The following RSPH14 variants were observed in gnomAD, a reference collection of about 807,000 sequenced individuals.
RSPH14 encodes the protein rhabdoid tumor deletion region gene 1.
A neutral mutation model predicts 26.7 loss-of-function variants in RSPH14; 20 were observed. The ratio of observed to expected loss-of-function variants is 0.75; its 90% CI spans 0.53 to 1.09. The LOEUF is 1.09. Ranked by LOEUF, RSPH14 falls within the 50% of genes least tolerant of loss-of-function variation. The pLI, the probability that RSPH14 is intolerant of heterozygous loss-of-function variation, is 0.00. For missense variants in RSPH14, 449 were observed against 457.2 expected (o/e 0.98, Z 0.16); for synonymous variants, 177 against 189.3 (o/e 0.93, Z 0.53).
the RSPH14 span, chr22:23,180,475 G>A: frequency 6.5e-5 from 11 of 168,238 alleles, no homozygotes; most frequent in African/African-American, 2.4e-4. Flanking sequence ...TCCGCGCCGC[G>A]GCCACCTCCC....
intron 4 of RSPH14, among the ~76,000 whole-genome samples, chr22:23,065,650 C>G (rs2068194455): frequency 1.4e-5 from 2 of 147,346 alleles, no homozygotes; most frequent in South Asian, 2.3e-4. Context: ...TTCCTTATCA[C>G]TGAAACGGGC....
At chr22:23,175,000 A>AT in the RSPH14 span, among the ~76,000 whole-genome samples, 1,704 of 144,830 alleles carry the variant, frequency 0.012, 23 homozygotes, top group African/African-American at 0.039. Flanking sequence ...TAAAAAAAAA[A>AT]TTTTTTTTTT....
upstream of RSPH14, chr22:23,145,366 A>G (rs774123828): frequency 9.3e-6 from 15 of 1,605,634 alleles, no homozygotes; most frequent in East Asian, 2.2e-5. Context: ...TCTCGTTGCT[A>G]TGGTGATCGC....
chr22:23,096,017 T>C, intron 4 of RSPH14: 3 of 1,607,548 alleles, frequency 1.9e-6, no homozygotes, highest in Non-Finnish European at 2.5e-6. Context: ...TGTGCAGCTC[T>C]TTGCGCTGAC....
the RSPH14 span, chr22:23,152,975 A>T: frequency 1.6e-6 from 2 of 1,237,754 alleles, no homozygotes; most frequent in Non-Finnish European, 2.4e-6. Context: ...TTACAAGTGA[A>T]GCTTCCGGGC....
chr22:23,094,308 C>T (rs59064858), intron 4 of RSPH14, among the ~76,000 whole-genome samples: 12 of 152,250 alleles, frequency 7.9e-5, no homozygotes, highest in African/African-American at 2.6e-4. Context: ...AGCTGCCCCT[C>T]GTGTGGGGAG....
At chr22:23,157,937 C>T in the RSPH14 span, 1 of 1,610,996 alleles carries the variant, frequency 6.2e-7, no homozygotes, top group African/African-American at 1.3e-5. Context: ...CTGGGGAGCC[C>T]CCTTGCTCGC....
intron 4 of RSPH14, among the ~76,000 whole-genome samples, chr22:23,080,446 T>C (rs1180081445): frequency 6.6e-6 from 1 of 152,232 alleles, no homozygotes; most frequent in Non-Finnish European, 1.5e-5. Context: ...TGGGGTTGTC[T>C]GTAGGATGGG....
chr22:23,145,265 CAGCACCG>C, upstream of RSPH14: 1 of 1,139,446 alleles, frequency 8.8e-7, no homozygotes, highest in Non-Finnish European at 1.3e-6. Flanking sequence ...CCCACCCATC[CAGCACCG>C]CCCTTGTTGT....
At chr22:23,133,323 G>A (rs999469026) in intron 4 of RSPH14, among the ~76,000 whole-genome samples, 3 of 152,090 alleles carry the variant, frequency 2.0e-5, no homozygotes, top group South Asian at 2.1e-4. Context: ...GAAATAAAAC[G>A]TTAAGCAAAA....
chr22:23,113,231 G>C (rs959307228), intron 4 of RSPH14, among the ~76,000 whole-genome samples: 1 of 152,226 alleles, frequency 6.6e-6, no homozygotes, highest in Admixed American at 6.5e-5. Context: ...TGGGGCCCCA[G>C]CGCCACCTGG....
chr22:23,081,590 C>T (rs961162860), intron 4 of RSPH14, among the ~76,000 whole-genome samples: 9 of 150,692 alleles, frequency 6.0e-5, no homozygotes, highest in Non-Finnish European at 1.2e-4. Flanking sequence ...GGGAAGGAGA[C>T]GCAGGTGGAT....
the RSPH14 span, among the ~76,000 whole-genome samples, chr22:23,175,405 G>A: frequency 2.6e-5 from 4 of 152,164 alleles, no homozygotes; most frequent in South Asian, 2.1e-4. Flanking sequence ...GTGCAGTGGC[G>A]TAATCTCCCC....
chr22:23,163,611 C>G, the RSPH14 span: 1 of 146,832 alleles, frequency 6.8e-6, no homozygotes. Context: ...TGAAAGCCCC[C>G]CCCCCGCCAC....
chr22:23,082,251 C>G (rs183963365), intron 4 of RSPH14, among the ~76,000 whole-genome samples: 1 of 151,480 alleles, frequency 6.6e-6, no homozygotes, highest in Non-Finnish European at 1.5e-5. Context: ...GAGTCTCGCC[C>G]TGTTGACCAG....
chr22:23,065,231 C>T (rs1161442735), intron 4 of RSPH14, among the ~76,000 whole-genome samples: 1 of 152,154 alleles, frequency 6.6e-6, no homozygotes, highest in African/African-American at 2.4e-5. Flanking sequence ...CCTTCTTCCC[C>T]CACTCCCTGA....
rs2068104744 is a variant in RSPH14 at position 23,061,928 on chromosome 22, T to C, written c.671A>G (p.Lys224Arg). 3 of 1,613,976 alleles carry C rather than the reference T, an allele frequency of 1.9e-6. No individual in the cohort carries two copies. Among genetic ancestry groups the C allele is most frequent in the South Asian group, 1.1e-5 (1 of 91,086 alleles). Reference protein sequence around the residue: ...LLNVSISREGKKQVCHFDVIP... With the variant: ...LLNVSISREGRKQVCHFDVIP... ...GACGTCAAAATGACACACCTGTTTC[T>C]TGCCCTCTCGAGATATGCTGGGGCA... The change falls in exon 6 of 7, where the codon AAG (lysine) becomes AGG (arginine). Residue 224 changes from lysine to arginine, a missense_variant. By Grantham distance (26) the Lys-to-Arg change is conservative. Transcript: ENST00000216036.
upstream of RSPH14, chr22:23,145,268 CA>C: frequency 8.4e-7 from 1 of 1,190,090 alleles, no homozygotes; most frequent in Non-Finnish European, 1.2e-6. Context: ...ACCCATCCAG[CA>C]CCGCCCTTGT....
In RSPH14 at chr22:23,073,840, C is replaced by G. The variant is rs140548192; in HGVS notation, c.422-9707G>C. Reference sequence around the variant, plus strand: ...GGACGTAGCATCCACTCACAGTGCTCACACCAGACGGGCAGGGGTTGACAG... The same window carrying G: ...GGACGTAGCATCCACTCACAGTGCTGACACCAGACGGGCAGGGGTTGACAG... On this transcript the variant is annotated intron_variant, in intron 4 of 6. Coordinates refer to ENST00000216036, the MANE Select transcript of RSPH14 (RefSeq NM_014433.3). Among the ~76,000 whole-genome samples the G allele has an allele frequency of 1.7e-3, 257 of 152,052 alleles. 1 individual carries two copies. The highest frequency in any genetic ancestry group is 0.01 in the Middle Eastern group (3 of 294).
Sources: allele counts gnomAD v4.1 joint callset (sites outside exome capture counted in the v4.1 genomes callset), GRCh38; gene constraint gnomAD v4.1.1; transcripts MANE v1.5; gene names NCBI Gene and HGNC (gene_info 2026-07-23, HGNC 2026-07-21).